Variants in TMCC1 observed in about 807,000 individuals in gnomAD.
TMCC1 encodes transmembrane and coiled-coil domains protein 1.
Under a neutral mutation model 52.4 loss-of-function variants are expected in TMCC1, and 15 were observed. That is an observed-to-expected ratio of 0.29 (90% confidence interval 0.19 to 0.44). The LOEUF (loss-of-function observed/expected upper bound fraction) is 0.44, where lower values mean the gene tolerates loss of function less well. Among genes scored for constraint, TMCC1 ranks in the 20% least tolerant of loss-of-function variants. The pLI is 1.00. For synonymous variants in TMCC1, 279 were observed against 301.9 expected (o/e 0.92, Z 0.79); for missense variants, 503 against 806.0 (o/e 0.62, Z 4.55).
At chr3:129,782,884 C>G (rs1273677830) in intron 4 of TMCC1, among the ~76,000 whole-genome samples, 1 of 152,148 alleles carries the variant, frequency 6.6e-6, no homozygotes, top group Non-Finnish European at 1.5e-5. Flanking sequence ...TTTCTGACAA[C>G]TTTAATGGCA....
chr3:129,763,444 G>T (rs1283038996), intron 4 of TMCC1, among the ~76,000 whole-genome samples: 1 of 147,538 alleles, frequency 6.8e-6, no homozygotes. Flanking sequence ...TACTTGGGAG[G>T]CTGAGGTGGG....
intron 4 of TMCC1, among the ~76,000 whole-genome samples, chr3:129,797,986 C>CTTTTTTTTTTTTTTTTTTT (rs11417298): frequency 7.3e-6 from 1 of 136,662 alleles, no homozygotes; most frequent in Non-Finnish European, 1.5e-5. Context: ...AGTTGTGTGC[C>CTTTTTTTTTTTTTTTTTTT]TTTTTTTTTT....
chr3:129,682,317 T>C (rs778790988), intron 4 of TMCC1, among the ~76,000 whole-genome samples: 49 of 152,176 alleles, frequency 3.2e-4, no homozygotes, highest in Non-Finnish European at 5.9e-4. Flanking sequence ...TTAAATATTC[T>C]TGACACGTAT....
At chr3:129,754,801 G>C (rs2052846852) in intron 4 of TMCC1, among the ~76,000 whole-genome samples, 1 of 152,172 alleles carries the variant, frequency 6.6e-6, no homozygotes, top group African/African-American at 2.4e-5. Context: ...AAAAAGGCTG[G>C]GTGCAGTGGC....
intron 3 of TMCC1, among the ~76,000 whole-genome samples, chr3:129,831,937 C>G (rs963051038): frequency 6.6e-6 from 1 of 152,168 alleles, no homozygotes; most frequent in Non-Finnish European, 1.5e-5. Context: ...TCACTGCAAC[C>G]TCTGCCTTCT....
chr3:129,845,977 T>A (rs1357355876), intron 2 of TMCC1, among the ~76,000 whole-genome samples: 1 of 151,550 alleles, frequency 6.6e-6, no homozygotes, highest in East Asian at 1.9e-4. Context: ...CAGGCTGCAG[T>A]GAGCCGTGTT....
At chr3:129,727,374 C>T (rs2050189566) in intron 4 of TMCC1, among the ~76,000 whole-genome samples, 1 of 151,994 alleles carries the variant, frequency 6.6e-6, no homozygotes, top group Admixed American at 6.6e-5. Context: ...TGGAACCTTA[C>T]TGAGGATCAA....
intron 1 of TMCC1, 86 bp downstream of exon 1, chr3:129,893,408 T>G (rs2062074871): frequency 6.6e-6 from 1 of 152,064 alleles, no homozygotes. Context: ...CAGGCCACGC[T>G]CCCTCACGAC....
chr3:129,844,293 ATAT>A (rs148167642), intron 2 of TMCC1, among the ~76,000 whole-genome samples: 214 of 152,326 alleles, frequency 1.4e-3, no homozygotes, highest in African/African-American at 5.0e-3. Context: ...AGAAGGAATA[ATAT>A]TATAGGTGGA....
At chr3:129,840,828 A>G (rs185607673) in intron 2 of TMCC1, among the ~76,000 whole-genome samples, 1 of 152,264 alleles carries the variant, frequency 6.6e-6, no homozygotes, top group Admixed American at 6.5e-5. Flanking sequence ...TCTTTTCTTT[A>G]TAAACTACCC....
intron 4 of TMCC1, among the ~76,000 whole-genome samples, chr3:129,805,476 T>G (rs1426089579): frequency 6.6e-6 from 1 of 152,182 alleles, no homozygotes; most frequent in Non-Finnish European, 1.5e-5. Flanking sequence ...TTTAAAAGAT[T>G]ATTCTGTCTA....
At chr3:129,830,474 A>C (rs2058857586) in intron 3 of TMCC1, among the ~76,000 whole-genome samples, 1 of 152,224 alleles carries the variant, frequency 6.6e-6, no homozygotes, top group Non-Finnish European at 1.5e-5. Context: ...TCTCAGAGGA[A>C]AAGGGCTAAT....
At chr3:129,851,613 T>C (rs918644538) in intron 2 of TMCC1, among the ~76,000 whole-genome samples, 2 of 152,174 alleles carry the variant, frequency 1.3e-5, no homozygotes, top group Non-Finnish European at 2.9e-5. Context: ...TGTGCAGAAA[T>C]TGGAATCTTT....
intron 4 of TMCC1, among the ~76,000 whole-genome samples, chr3:129,715,296 C>T (rs983689101): frequency 2.6e-5 from 4 of 152,304 alleles, no homozygotes; most frequent in South Asian, 2.1e-4. Context: ...CGGTGGCTCA[C>T]GCCTGTAATC....
At chr3:129,883,556 G>C (rs1299173968) in intron 1 of TMCC1, among the ~76,000 whole-genome samples, 1 of 152,222 alleles carries the variant, frequency 6.6e-6, no homozygotes, top group African/African-American at 2.4e-5. Context: ...CAAGGCTGCA[G>C]TAATTCATGT....
chr3:129,768,549 C>A (rs1040953934), intron 4 of TMCC1, among the ~76,000 whole-genome samples: 3 of 152,132 alleles, frequency 2.0e-5, no homozygotes, highest in Non-Finnish European at 4.4e-5. Flanking sequence ...CCCTGAGAAA[C>A]TTAAACCATC....
intron 1 of TMCC1, among the ~76,000 whole-genome samples, chr3:129,881,978 AC>A (rs2061482038): frequency 6.6e-6 from 1 of 152,178 alleles, no homozygotes; most frequent in African/African-American, 2.4e-5. Flanking sequence ...AAAAGTATAA[AC>A]CCACAAACTC....
chr3:129,762,781 C>CA (rs2107681621), intron 4 of TMCC1, among the ~76,000 whole-genome samples: 1 of 151,618 alleles, frequency 6.6e-6, no homozygotes, highest in East Asian at 1.9e-4. Flanking sequence ...GGCTATGTCT[C>CA]AAAAAAAGTT....
At chr3:129,848,028 G>A (rs1353703903) in intron 2 of TMCC1, 1 of 152,022 alleles carries the variant, frequency 6.6e-6, no homozygotes, top group African/African-American at 2.4e-5. Flanking sequence ...CAATTCTTGA[G>A]TTACAATTCT....
Sources: allele counts gnomAD v4.1 joint callset (sites outside exome capture counted in the v4.1 genomes callset), GRCh38; gene constraint gnomAD v4.1.1; transcripts MANE v1.5; gene names NCBI Gene and HGNC (gene_info 2026-07-23, HGNC 2026-07-21).